CACNA2D3: variants seen among roughly 807,000 people sequenced by gnomAD.
CACNA2D3 encodes the protein voltage-dependent calcium channel subunit alpha-2/delta-3.
CACNA2D3 carries 60 observed loss-of-function variants against 160.6 expected under a neutral mutation model. The observed-to-expected ratio is 0.37, with a 90% confidence interval of 0.30 to 0.46. The LOEUF (loss-of-function observed/expected upper bound fraction) is 0.46. Ranked by LOEUF, CACNA2D3 falls within the 20% of genes least tolerant of loss-of-function variation. CACNA2D3 has a pLI of 1.00. For missense variants in CACNA2D3, 1,205 were observed against 1,365.0 expected (o/e 0.88, Z 1.85); for synonymous variants, 558 against 492.9 (o/e 1.13, Z -1.75).
At chr3:54,798,316 C>T (rs9865658) in intron 13 of CACNA2D3, among the ~76,000 whole-genome samples, 2,160 of 152,066 alleles carry the variant, frequency 0.014, 51 homozygotes, top group African/African-American at 0.049. Flanking sequence ...AGGTGGATCG[C>T]GAGGTTGGGA....
chr3:54,811,515 T>A (rs1703318297), intron 13 of CACNA2D3, among the ~76,000 whole-genome samples: 1 of 106,716 alleles, frequency 9.4e-6, no homozygotes. Flanking sequence ...TTTTTTTTTT[T>A]GAGACAGCAT....
chr3:54,278,562 T>C (rs1268439720), intron 2 of CACNA2D3, among the ~76,000 whole-genome samples: 1 of 152,208 alleles, frequency 6.6e-6, no homozygotes, highest in Non-Finnish European at 1.5e-5. Flanking sequence ...CTATTCACAA[T>C]AGCAAAGACT....
intron 14 of CACNA2D3, among the ~76,000 whole-genome samples, chr3:54,835,925 A>G (rs1234428457): frequency 6.6e-6 from 1 of 152,192 alleles, no homozygotes; most frequent in South Asian, 2.1e-4. Flanking sequence ...TTTTGTCTTC[A>G]TGGCAACAGT....
intron 35 of CACNA2D3, among the ~76,000 whole-genome samples, chr3:55,069,108 A>G (rs1575461493): frequency 6.6e-6 from 1 of 152,070 alleles, no homozygotes; most frequent in Non-Finnish European, 1.5e-5. Flanking sequence ...GCTTTTACCT[A>G]TTTGTTACTC....
intron 18 of CACNA2D3, chr3:54,876,190 G>A (rs1239511238): frequency 2.0e-5 from 3 of 152,202 alleles, no homozygotes; most frequent in African/African-American, 7.2e-5. Flanking sequence ...GGTGGGGACT[G>A]ATTGCATTGC....
At chr3:54,696,590 A>G (rs1409962187) in intron 11 of CACNA2D3, among the ~76,000 whole-genome samples, 1 of 152,112 alleles carries the variant, frequency 6.6e-6, no homozygotes, top group Non-Finnish European at 1.5e-5. Context: ...CACAGAGGAA[A>G]GAATGGCACA....
At position 54,684,344 on chromosome 3, in the gene CACNA2D3, G is replaced by A. The variant is rs372387314; in HGVS notation, c.1167+42103G>A. ...ACATCCTCAACTTGACTGTATCTGCGAAGACCCTGTTTCCAATTAAGCCCA... is the reference window on the plus strand; with the variant it reads ...ACATCCTCAACTTGACTGTATCTGCAAAGACCCTGTTTCCAATTAAGCCCA... On this transcript the variant is annotated intron_variant, in intron 11 of 37. Coordinates refer to ENST00000474759, the MANE Select transcript of CACNA2D3 (RefSeq NM_018398.3). 1.4e-4 allele frequency among the ~76,000 whole-genome samples: 21 copies of A among 152,268 alleles called. No individual in the cohort carries two copies. The East Asian group carries it at 2.9e-3, about 21-fold the overall frequency.
intron 14 of CACNA2D3, among the ~76,000 whole-genome samples, chr3:54,817,265 G>A (rs1167333456): frequency 2.0e-5 from 3 of 152,088 alleles, no homozygotes; most frequent in South Asian, 4.2e-4. Flanking sequence ...TTAAATTTGG[G>A]GCTCCTAAGC....
chr3:54,953,807 A>T (rs1701816618), intron 27 of CACNA2D3, among the ~76,000 whole-genome samples: 1 of 152,128 alleles, frequency 6.6e-6, no homozygotes, highest in Non-Finnish European at 1.5e-5. Context: ...ACTGCAAGTC[A>T]GTGCGCACAA....
intron 4 of CACNA2D3, among the ~76,000 whole-genome samples, chr3:54,461,183 T>A (rs1254864279): frequency 6.6e-6 from 1 of 152,114 alleles, no homozygotes; most frequent in Non-Finnish European, 1.5e-5. Context: ...TTTGGCAGTA[T>A]TTGATTGAGG....
At chr3:54,248,676 T>A (rs1266632817) in intron 2 of CACNA2D3, among the ~76,000 whole-genome samples, 2 of 152,110 alleles carry the variant, frequency 1.3e-5, no homozygotes, top group Non-Finnish European at 2.9e-5. Flanking sequence ...CCTACTGGCA[T>A]CTTGATGTTG....
At chr3:54,746,529 C>G (rs917389729) in intron 11 of CACNA2D3, among the ~76,000 whole-genome samples, 2 of 152,140 alleles carry the variant, frequency 1.3e-5, no homozygotes, top group African/African-American at 4.8e-5. Flanking sequence ...GAAGGCATGC[C>G]TAATACGGAG....
intron 4 of CACNA2D3, 135 bp downstream of exon 4, chr3:54,386,909 C>A: frequency 1.3e-6 from 1 of 770,286 alleles, no homozygotes; most frequent in South Asian, 2.0e-5. Context: ...GAGTTGGAAT[C>A]TTTGACAGGA....
intron 5 of CACNA2D3, among the ~76,000 whole-genome samples, chr3:54,546,478 T>G (rs6445695): frequency 6.6e-6 from 1 of 152,152 alleles, no homozygotes; most frequent in Non-Finnish European, 1.5e-5. Flanking sequence ...CCTTTCTTCT[T>G]CCATTGATAA....
chr3:54,806,483 A>C (rs1703129910), intron 13 of CACNA2D3, among the ~76,000 whole-genome samples: 1 of 152,118 alleles, frequency 6.6e-6, no homozygotes. Flanking sequence ...ATACCTAGGA[A>C]TCCAACTTAC....
At chr3:54,481,177 C>T (rs1177841949) in intron 4 of CACNA2D3, among the ~76,000 whole-genome samples, 1 of 152,026 alleles carries the variant, frequency 6.6e-6, no homozygotes, top group Non-Finnish European at 1.5e-5. Flanking sequence ...GGCTAGGCTG[C>T]CTCTAGATAA....
rs944407293 is a variant in CACNA2D3 at position 55,058,948 on chromosome 3, A to T, written c.2988-14497A>T. ...CTCCCCGCCGCCGCTCTTTTTTTCT[A>T]TGCAAAACTGGCTTCATATTTAGCT... is the stretch of plus-strand genomic sequence containing the variant. On this transcript the variant is annotated intron_variant, in intron 35 of 37. Transcript: ENST00000474759. 2.0e-5 allele frequency among the ~76,000 whole-genome samples: 3 copies of T among 152,132 alleles called. No homozygotes were observed. The East Asian group carries it at 5.8e-4, about 29-fold the overall frequency.
At chr3:54,287,571 C>A (rs928966652) in intron 2 of CACNA2D3, among the ~76,000 whole-genome samples, 1 of 145,596 alleles carries the variant, frequency 6.9e-6, no homozygotes, top group African/African-American at 2.6e-5. Context: ...CTGCACCAAG[C>A]AGACCTAATA....
At chr3:54,955,362 A>G (rs9859101) in intron 27 of CACNA2D3, among the ~76,000 whole-genome samples, 5,415 of 152,194 alleles carry the variant, frequency 0.036, 310 homozygotes, top group African/African-American at 0.12. Context: ...TGGGCTGGTG[A>G]TGACTCCCAC....
Sources: gnomAD v4.1 joint callset for allele counts (sites outside exome capture counted in the v4.1 genomes callset) on GRCh38, gnomAD v4.1.1 for gene constraint, MANE v1.5 for transcripts, NCBI Gene and HGNC (gene_info 2026-07-23, HGNC 2026-07-21) for gene names.